The following BHMT variants were observed in gnomAD, a reference collection of about 807,000 sequenced individuals.
The protein encoded by BHMT is betaine--homocysteine S-methyltransferase, also known as betaine--homocysteine S-methyltransferase 1.
A neutral mutation model predicts 49.5 loss-of-function variants in BHMT; 38 were observed. That is an observed-to-expected ratio of 0.77 (90% CI 0.59 to 1.01). The LOEUF (loss-of-function observed/expected upper bound fraction) is 1.01. Ranked by LOEUF, BHMT falls within the 50% of genes least tolerant of loss-of-function variation. The probability of loss-of-function intolerance (pLI) is 0.00; values close to 1 mark genes in which losing one functional copy is unlikely to be tolerated. For missense variants in BHMT, 426 were observed against 495.7 expected (o/e 0.86, Z 1.34); for synonymous variants, 166 against 176.3 (o/e 0.94, Z 0.46).
intron 7 of BHMT, among the ~76,000 whole-genome samples, chr5:79,129,055 T>C (rs948019820): frequency 6.6e-6 from 1 of 152,172 alleles, no homozygotes; most frequent in Non-Finnish European, 1.5e-5. Context: ...TCCTACCATA[T>C]AGAGAACTAG....
At chr5:79,112,106 T>C (rs891461246) in intron 1 of BHMT, among the ~76,000 whole-genome samples, 188 bp downstream of exon 1, 1 of 152,028 alleles carries the variant, frequency 6.6e-6, no homozygotes, top group Non-Finnish European at 1.5e-5. Flanking sequence ...AAGGCGCCTC[T>C]GAGCCTCCCC....
intron 2 of BHMT, among the ~76,000 whole-genome samples, chr5:79,117,094 C>T (rs951891761): frequency 4.6e-5 from 7 of 152,184 alleles, no homozygotes; most frequent in Admixed American, 1.3e-4. Flanking sequence ...AGAATCACTG[C>T]AGTTTTAGAA....
chr5:79,128,029 G>T, intron 7 of BHMT, 46 bp downstream of exon 7: 1 of 1,554,642 alleles, frequency 6.4e-7, no homozygotes, highest in Non-Finnish European at 8.7e-7. Flanking sequence ...TTATGAATAT[G>T]TTCAAGTGAG....
At chr5:79,123,967 G>A (rs984249128) in intron 5 of BHMT, among the ~76,000 whole-genome samples, 1 of 152,130 alleles carries the variant, frequency 6.6e-6, no homozygotes, top group African/African-American at 2.4e-5. Flanking sequence ...AAGAAGAAAT[G>A]AAGTTCTCAA....
intron 7 of BHMT, among the ~76,000 whole-genome samples, chr5:79,130,496 C>T (rs549440626): frequency 4.0e-5 from 6 of 151,898 alleles, no homozygotes; most frequent in African/African-American, 1.2e-4. Context: ...TGTACAGTAA[C>T]CTTTTAATCA....
intron 7 of BHMT, 146 bp downstream of exon 7, chr5:79,128,129 C>G (rs1756580174): frequency 2.1e-6 from 2 of 962,918 alleles, no homozygotes; most frequent in South Asian, 1.8e-5. Flanking sequence ...ACAAAGCATC[C>G]TTATTAGGTG....
chr5:79,124,268 G>T (rs1290650785), intron 5 of BHMT, among the ~76,000 whole-genome samples: 1 of 152,104 alleles, frequency 6.6e-6, no homozygotes, highest in Non-Finnish European at 1.5e-5. Flanking sequence ...GCTAAAATGC[G>T]CCAGATGCAG....
In BHMT at chr5:79,131,730, T is replaced by C. The variant is rs1756646352; in HGVS notation, c.*614T>C. ...CCACTACTGGGTTTGGATCCACAGT[T>C]TGAAAAATATTGCTACAAGACACTT... On this transcript the variant is annotated 3_prime_UTR_variant, in exon 8 of 8. Coordinates refer to ENST00000274353, the MANE Select transcript of BHMT (RefSeq NM_001713.3). The C allele has an allele frequency of 6.6e-6, 1 of 152,252 alleles. No homozygotes were observed. Among genetic ancestry groups the C allele is most frequent in the African/African-American group, 2.4e-5 (1 of 41,462 alleles). The allele number at this position is 152,252 out of a possible 1,614,324, so 9.4% of individuals were successfully genotyped here. A position where few individuals can be genotyped will look rare whatever the true frequency, so the allele number is the denominator to read the frequency against.
intron 5 of BHMT, among the ~76,000 whole-genome samples, chr5:79,125,487 C>T (rs908975728): frequency 2.8e-5 from 4 of 144,006 alleles, no homozygotes; most frequent in African/African-American, 1.0e-4. Context: ...AAGAGATGGA[C>T]AGCCAAATGT....
intron 5 of BHMT, among the ~76,000 whole-genome samples, chr5:79,122,905 A>G (rs1337394186): frequency 2.0e-5 from 3 of 152,226 alleles, no homozygotes. Flanking sequence ...TTGAAAGCCT[A>G]GGACAGAAAA....
At chr5:79,121,452 C>T (rs1756471717) in intron 5 of BHMT, 87 bp downstream of exon 5, 2 of 1,436,808 alleles carry the variant, frequency 1.4e-6, no homozygotes, top group African/African-American at 2.8e-5. Flanking sequence ...GTGTATACTA[C>T]TTTCGTTAAC....
intron 5 of BHMT, 44 bp from the exon 6 acceptor site, chr5:79,126,002 T>C (rs772486705): frequency 6.4e-6 from 10 of 1,555,516 alleles, no homozygotes; most frequent in East Asian, 2.3e-5. Flanking sequence ...GCCCTGCTGG[T>C]TTCTGGTGCA....
rs569490866 is a variant in BHMT at position 79,121,360 on chromosome 5, A to G, written c.620A>G (p.Lys207Arg). ...GGCGAGTGTGCAGTGCGCCTGGTGA[A>G]AGCAGGTGATGATAGATTTCAATCA... is the stretch of plus-strand genomic sequence containing the variant. ...PPGECAVRLV[K>R]AGASIIGVNC... Residue 207 changes from lysine to arginine, a missense_variant, in exon 5 of 8, where the codon AAA (lysine) becomes AGA (arginine). Lys to Arg is a conservative substitution (Grantham distance 26). Transcript: ENST00000274353. 6.2e-7 allele frequency: 1 copy of G among 1,614,134 alleles called. No homozygotes were observed. The highest frequency in any genetic ancestry group is 8.5e-7 in the Non-Finnish European group (1 of 1,179,960).
chr5:79,124,320 G>A, intron 5 of BHMT, among the ~76,000 whole-genome samples: 1 of 152,144 alleles, frequency 6.6e-6, no homozygotes, highest in Non-Finnish European at 1.5e-5. Flanking sequence ...AGGCAAAGGT[G>A]TGAGGATCGC....
chr5:79,124,966 G>A lies in BHMT; in HGVS notation c.626-1080G>A, dbSNP rs546289052. Among the ~76,000 whole-genome samples, 4 of 152,222 alleles carry A rather than the reference G, an allele frequency of 2.6e-5. No homozygotes were observed. The South Asian group carries it at 6.2e-4, about 24-fold the overall frequency. ...TACATTCTGCTGCTGTGCCCAAGAA[G>A]GCTAATGAACTTATTAAGTTGGCCT... On this transcript the variant is annotated intron_variant, in intron 5 of 7. Coordinates refer to ENST00000274353, the MANE Select transcript of BHMT (RefSeq NM_001713.3).
rs1387613146 is a variant in BHMT at position 79,131,624 on chromosome 5, G to A, written c.*508G>A. On this transcript the variant is annotated 3_prime_UTR_variant, in exon 8 of 8. Coordinates refer to ENST00000274353, the MANE Select transcript of BHMT (RefSeq NM_001713.3). ...GAAATTAAATGTGTGATCCATCCTA[G>A]TATTTTCTGTTCCATTCCTTTTCAT... is the stretch of plus-strand genomic sequence containing the variant. 1 of 152,210 alleles carries A rather than the reference G, an allele frequency of 6.6e-6. No individual in the cohort carries two copies. The highest frequency in any genetic ancestry group is 2.4e-5 in the African/African-American group (1 of 41,444). The allele number at this position is 152,210 out of a possible 1,614,324, so 9.4% of individuals were successfully genotyped here.
chr5:79,119,482 AT>A, intron 3 of BHMT, 105 bp downstream of exon 3: 2 of 817,362 alleles, frequency 2.4e-6, no homozygotes, highest in Non-Finnish European at 3.8e-6. Flanking sequence ...GTTTTGTTTT[AT>A]TTCTAATAAT....
chr5:79,118,629 ATAT>A, intron 2 of BHMT, among the ~76,000 whole-genome samples: 1 of 152,216 alleles, frequency 6.6e-6, no homozygotes, highest in South Asian at 2.1e-4. Flanking sequence ...CTTAAAAACT[ATAT>A]ATTTCCCTGA....
intron 2 of BHMT, among the ~76,000 whole-genome samples, chr5:79,117,627 T>C (rs1158056205): frequency 6.6e-6 from 1 of 152,232 alleles, no homozygotes; most frequent in Non-Finnish European, 1.5e-5. Flanking sequence ...CCAGTTACTC[T>C]ACTCTACTAG....
Sources: gnomAD v4.1 joint callset for allele counts (sites outside exome capture counted in the v4.1 genomes callset) on GRCh38, gnomAD v4.1.1 for gene constraint, MANE v1.5 for transcripts, NCBI Gene and HGNC (gene_info 2026-07-23, HGNC 2026-07-21) for gene names.